The following GLIS3 variants were observed in gnomAD, a reference collection of about 807,000 sequenced individuals.
The protein encoded by GLIS3 is GLIS family zinc finger 3.
A neutral mutation model predicts 78.6 loss-of-function variants in GLIS3; 53 were observed. The ratio of observed to expected loss-of-function variants is 0.67; its 90% CI spans 0.54 to 0.85. The LOEUF is 0.85. Ranked by LOEUF, GLIS3 falls within the 40% of genes least tolerant of loss-of-function variation. The pLI is 0.00. For missense variants in GLIS3, 1,703 were observed against 1,231.1 expected, an observed-to-expected ratio of 1.38 and a Z score of -5.74; for synonymous variants, 684 against 509.9, an observed-to-expected ratio of 1.34 and a Z score of -4.60.
chr9:4,220,630 T>C (rs1276335091), intron 2 of GLIS3, among the ~76,000 whole-genome samples: 1 of 151,924 alleles, frequency 6.6e-6, no homozygotes, highest in Admixed American at 6.6e-5. Flanking sequence ...TACTGAGGCA[T>C]GTCTGGAGTC....
intron 4 of GLIS3, among the ~76,000 whole-genome samples, chr9:3,986,685 T>C (rs910107734): frequency 6.6e-6 from 1 of 152,260 alleles, no homozygotes; most frequent in Non-Finnish European, 1.5e-5. Context: ...GAAGCCCTTT[T>C]GCCCCCTCGG....
intron 4 of GLIS3, among the ~76,000 whole-genome samples, chr9:3,993,194 C>T (rs1820468238): frequency 6.6e-6 from 1 of 152,100 alleles, no homozygotes; most frequent in South Asian, 2.1e-4. Context: ...GATTAAAACC[C>T]ACTGACAACA....
chr9:3,920,908 A>G (rs140836840), intron 6 of GLIS3, among the ~76,000 whole-genome samples: 99 of 152,220 alleles, frequency 6.5e-4, no homozygotes, highest in African/African-American at 2.1e-3. Flanking sequence ...CTCTCTACCT[A>G]TATTTTTCCT....
At chr9:4,201,252 C>A (rs887941720) in intron 2 of GLIS3, among the ~76,000 whole-genome samples, 1 of 152,144 alleles carries the variant, frequency 6.6e-6, no homozygotes, top group African/African-American at 2.4e-5. Flanking sequence ...AACCTAAAAG[C>A]ATTCCCTTGA....
chr9:4,412,055 A>G, the GLIS3 span, among the ~76,000 whole-genome samples: 1 of 152,196 alleles, frequency 6.6e-6, no homozygotes, highest in Non-Finnish European at 1.5e-5. Context: ...TAACAAAATT[A>G]TCCAAGTCTC....
At chr9:3,956,045 AAAAG>A (rs1404661779) in intron 4 of GLIS3, among the ~76,000 whole-genome samples, 2 of 151,396 alleles carry the variant, frequency 1.3e-5, no homozygotes, top group Admixed American at 6.6e-5. Context: ...AAAAAAAAAA[AAAAG>A]AAAGAAAAAA....
intron 9 of GLIS3, among the ~76,000 whole-genome samples, chr9:3,842,231 T>A (rs1173732753): frequency 6.6e-6 from 1 of 152,136 alleles, no homozygotes; most frequent in Non-Finnish European, 1.5e-5. Flanking sequence ...CCCAGCATGT[T>A]GGGAGGCCGA....
intron 1 of GLIS3, among the ~76,000 whole-genome samples, chr9:4,288,767 T>G (rs1016287826): frequency 6.6e-6 from 1 of 152,124 alleles, no homozygotes; most frequent in African/African-American, 2.4e-5. Context: ...ATACTTAAAT[T>G]TTATTACTAA....
the GLIS3 span, among the ~76,000 whole-genome samples, chr9:4,422,079 A>G: frequency 6.6e-6 from 1 of 152,250 alleles, no homozygotes; most frequent in Non-Finnish European, 1.5e-5. Context: ...AGATTTCTCA[A>G]AAAGTCAATT....
chr9:4,158,698 T>C (rs547298022), intron 2 of GLIS3, among the ~76,000 whole-genome samples: 6 of 152,322 alleles, frequency 3.9e-5, no homozygotes, highest in African/African-American at 1.2e-4. Flanking sequence ...AAGGATACAA[T>C]GGTAAATAAG....
At chr9:4,127,067 A>C (rs967628221) in intron 2 of GLIS3, among the ~76,000 whole-genome samples, 13 of 152,146 alleles carry the variant, frequency 8.5e-5, no homozygotes, top group African/African-American at 3.1e-4. Flanking sequence ...AGAGCCCCCC[A>C]AAACAATAGA....
At chr9:4,051,197 CGT>C (rs2130475702) in intron 4 of GLIS3, among the ~76,000 whole-genome samples, 2 of 152,292 alleles carry the variant, frequency 1.3e-5, no homozygotes, top group African/African-American at 4.8e-5. Flanking sequence ...TCTTCTCTCA[CGT>C]GTGTGTTTAT....
chr9:4,364,479 C>T, the GLIS3 span, among the ~76,000 whole-genome samples: 1 of 151,972 alleles, frequency 6.6e-6, no homozygotes, highest in East Asian at 1.9e-4. Flanking sequence ...TTGTATGCTA[C>T]CAATTAAAAT....
intron 2 of GLIS3, among the ~76,000 whole-genome samples, chr9:4,201,692 A>T (rs1017021595): frequency 1.3e-5 from 2 of 152,224 alleles, no homozygotes; most frequent in Admixed American, 6.5e-5. Context: ...CAGAGGTGAC[A>T]CAAACAAATG....
At chr9:4,374,602 CCT>C in the GLIS3 span, among the ~76,000 whole-genome samples, 922 of 152,356 alleles carry the variant, frequency 6.1e-3, 9 homozygotes, top group African/African-American at 0.021. Flanking sequence ...CCCCCTTCCT[CCT>C]CTGTGTGGTT....
chr9:4,406,857 T>C, the GLIS3 span, among the ~76,000 whole-genome samples: 5 of 152,202 alleles, frequency 3.3e-5, no homozygotes, highest in Non-Finnish European at 7.4e-5. Context: ...ACTGTTAAAA[T>C]GTTTATACTA....
At chr9:4,414,115 A>T in the GLIS3 span, among the ~76,000 whole-genome samples, 3 of 152,192 alleles carry the variant, frequency 2.0e-5, no homozygotes, top group Non-Finnish European at 4.4e-5. Context: ...AATCAAGATG[A>T]TCCCCAGCCA....
intron 2 of GLIS3, among the ~76,000 whole-genome samples, chr9:4,182,830 C>T (rs973795515): frequency 1.3e-5 from 2 of 152,208 alleles, no homozygotes; most frequent in African/African-American, 4.8e-5. Context: ...TGAACACCTA[C>T]CATGAGTAAA....
intron 2 of GLIS3, among the ~76,000 whole-genome samples, chr9:4,330,180 T>G (rs1312869810): frequency 6.6e-6 from 1 of 152,172 alleles, no homozygotes; most frequent in Non-Finnish European, 1.5e-5. Flanking sequence ...TTCTGATTTG[T>G]GATGTCTGGA....
Sources: gnomAD v4.1 joint callset for allele counts (sites outside exome capture counted in the v4.1 genomes callset) on GRCh38, gnomAD v4.1.1 for gene constraint, MANE v1.5 for transcripts, NCBI Gene and HGNC (gene_info 2026-07-23, HGNC 2026-07-21) for gene names.